The following PLA2R1 variants were observed in gnomAD, a reference collection of about 807,000 sequenced individuals.
The protein encoded by PLA2R1 is phospholipase A2 receptor 1.
A neutral mutation model predicts 195.9 loss-of-function variants in PLA2R1; 158 were observed. The observed-to-expected ratio is 0.81, with a 90% confidence interval of 0.71 to 0.92. The LOEUF (loss-of-function observed/expected upper bound fraction) is 0.92. PLA2R1 is among the 40% of genes least tolerant of loss of function. PLA2R1 has a pLI of 0.00. For synonymous variants in PLA2R1, 586 were observed against 598.2 expected (o/e 0.98, Z 0.30); for missense variants, 1,626 against 1,764.6 (o/e 0.92, Z 1.41).
chr2:160,024,826 C>T (rs368011253), intron 6 of PLA2R1, among the ~76,000 whole-genome samples: 11 of 152,148 alleles, frequency 7.2e-5, no homozygotes, highest in African/African-American at 2.4e-4. Flanking sequence ...CTGAGGCACC[C>T]CACCTTCCCA....
intron 6 of PLA2R1, among the ~76,000 whole-genome samples, chr2:160,024,250 C>T (rs1693353697): frequency 6.6e-6 from 1 of 152,152 alleles, no homozygotes; most frequent in African/African-American, 2.4e-5. Context: ...GCTTTGTAAC[C>T]ACTGCACCAC....
At chr2:160,028,740 T>C (rs1693671658) in intron 5 of PLA2R1, 110 bp downstream of exon 5, 1 of 674,838 alleles carries the variant, frequency 1.5e-6, no homozygotes, top group Non-Finnish European at 2.6e-6. Context: ...GGCTAAAAAA[T>C]GTTTATACAC....
chr2:159,971,326 G>C (rs1194226075), intron 17 of PLA2R1, among the ~76,000 whole-genome samples: 1 of 151,990 alleles, frequency 6.6e-6, no homozygotes, highest in Admixed American at 6.6e-5. Context: ...AATTAGTAAG[G>C]AAATAGAAGA....
chr2:160,062,120 G>A (rs890699717), intron 1 of PLA2R1, among the ~76,000 whole-genome samples, 175 bp downstream of exon 1: 2 of 151,860 alleles, frequency 1.3e-5, no homozygotes, highest in African/African-American at 4.8e-5. Context: ...ACAAGAGGCT[G>A]CAGGACACCA....
At chr2:160,003,976 C>T (rs1163738713) in intron 11 of PLA2R1, among the ~76,000 whole-genome samples, 1 of 152,100 alleles carries the variant, frequency 6.6e-6, no homozygotes, top group Non-Finnish European at 1.5e-5. Context: ...ATAACAGAAA[C>T]ATGCAATCCT....
intron 11 of PLA2R1, among the ~76,000 whole-genome samples, chr2:159,990,299 C>T (rs1238362985): frequency 6.6e-6 from 1 of 152,122 alleles, no homozygotes; most frequent in Non-Finnish European, 1.5e-5. Flanking sequence ...TTAACAGATT[C>T]TCCTTACCTG....
intron 2 of PLA2R1, among the ~76,000 whole-genome samples, chr2:160,043,122 T>G (rs1294386790): frequency 1.3e-5 from 2 of 152,030 alleles, no homozygotes; most frequent in Non-Finnish European, 1.5e-5. Context: ...AGAGTGTCAG[T>G]GCACATAGAG....
At chr2:159,983,900 T>C (rs747736650) in intron 13 of PLA2R1, 28 bp downstream of exon 13, 3 of 1,313,224 alleles carry the variant, frequency 2.3e-6, no homozygotes, top group Non-Finnish European at 3.3e-6. Flanking sequence ...TATTTGACTG[T>C]AATTTTTCAT....
At chr2:159,993,191 C>T (rs1377279625) in intron 11 of PLA2R1, among the ~76,000 whole-genome samples, 3 of 152,020 alleles carry the variant, frequency 2.0e-5, no homozygotes, top group Non-Finnish European at 4.4e-5. Context: ...TATCATCTTT[C>T]CATTTAATCA....
intron 11 of PLA2R1, among the ~76,000 whole-genome samples, chr2:160,004,712 T>G (rs1691856167): frequency 6.6e-6 from 1 of 152,174 alleles, no homozygotes; most frequent in African/African-American, 2.4e-5. Context: ...GTAGAAGGGC[T>G]GTTGGGTCTA....
chr2:160,062,378 A>G lies in PLA2R1; in HGVS notation c.26T>C (p.Leu9Pro). 6.5e-7 allele frequency: 1 copy of G among 1,540,258 alleles called. No homozygotes were observed. Among genetic ancestry groups the G allele is most frequent in the Non-Finnish European group, 8.8e-7 (1 of 1,142,762 alleles). ...CCGCGGCGCCCCCAGCAGCAGCAGC[A>G]GCAGCAGCGACGGCGACAGCAGCAT... MLLSPSLL[L>P]LLLLGAPRGC... Residue 9 changes from leucine to proline, a missense_variant, in exon 1 of 30, where the codon CTG becomes CCG. Leu to Pro is a moderately conservative substitution (Grantham distance 98). Transcript: ENST00000283243.
At position 159,933,813 on chromosome 2, in the gene PLA2R1, T is replaced by C. The variant is rs1686689938; in HGVS notation, c.*7965A>G. The C allele has an allele frequency of 1.3e-5, 2 of 152,222 alleles. No homozygotes were observed. The highest frequency in any genetic ancestry group is 1.3e-4 in the Admixed American group (2 of 15,290). The allele number at this position is 152,222 out of a possible 1,614,324, so 9.4% of individuals were successfully genotyped here. ...AGACTTCCCCATTTAGGTTTTCACTTTCTAAATCAGGGGTTGGCAAACTTC... is the reference window on the plus strand; with the variant it reads ...AGACTTCCCCATTTAGGTTTTCACTCTCTAAATCAGGGGTTGGCAAACTTC... On this transcript the variant is annotated 3_prime_UTR_variant, in exon 30 of 30. Coordinates refer to ENST00000283243, the MANE Select transcript of PLA2R1 (RefSeq NM_007366.5).
chr2:160,062,187 C>A, intron 1 of PLA2R1, 108 bp downstream of exon 1: 1 of 873,962 alleles, frequency 1.1e-6, no homozygotes, highest in Non-Finnish European at 1.7e-6. Context: ...ACGCGGCCGC[C>A]CTTGCCCGCC....
chr2:159,989,450 G>A (rs1481262871), intron 11 of PLA2R1, among the ~76,000 whole-genome samples: 1 of 152,140 alleles, frequency 6.6e-6, no homozygotes, highest in Non-Finnish European at 1.5e-5. Context: ...CGTCCTTTGA[G>A]GGGCCCCAGT....
chr2:160,042,478 G>A (rs1005042314), intron 2 of PLA2R1, among the ~76,000 whole-genome samples: 5 of 152,134 alleles, frequency 3.3e-5, no homozygotes, highest in African/African-American at 1.2e-4. Flanking sequence ...TTTGTGGATG[G>A]ATGAGAAAGA....
chr2:159,969,582 A>G (rs937910364), intron 18 of PLA2R1, among the ~76,000 whole-genome samples: 2 of 152,128 alleles, frequency 1.3e-5, no homozygotes, highest in Admixed American at 6.6e-5. Flanking sequence ...TCTCTCTGTC[A>G]CCCAGGCTGA....
intron 1 of PLA2R1, among the ~76,000 whole-genome samples, chr2:160,050,575 A>G (rs1695156254): frequency 6.6e-6 from 1 of 152,208 alleles, no homozygotes; most frequent in African/African-American, 2.4e-5. Context: ...TTGTTGCCAA[A>G]CATTTTGAAG....
At chr2:159,947,845 C>A (rs1687482156) in intron 25 of PLA2R1, among the ~76,000 whole-genome samples, 1 of 152,060 alleles carries the variant, frequency 6.6e-6, no homozygotes, top group African/African-American at 2.4e-5. Flanking sequence ...TTCATGTTTA[C>A]AATTAGCATC....
chr2:160,060,954 G>T (rs1695911382), intron 1 of PLA2R1, among the ~76,000 whole-genome samples: 1 of 152,202 alleles, frequency 6.6e-6, no homozygotes, highest in South Asian at 2.1e-4. Flanking sequence ...GACCAAGAAG[G>T]TAAGAGCATC....
Sources: allele counts gnomAD v4.1 joint callset (sites outside exome capture counted in the v4.1 genomes callset), GRCh38; gene constraint gnomAD v4.1.1; transcripts MANE v1.5; gene names NCBI Gene and HGNC (gene_info 2026-07-23, HGNC 2026-07-21).